Variants in PTPRD observed in about 807,000 individuals in gnomAD.
PTPRD encodes protein tyrosine phosphatase receptor type D.
Under a neutral mutation model 214.5 loss-of-function variants are expected in PTPRD, and 34 were observed. The observed-to-expected ratio is 0.16, with a 90% CI of 0.12 to 0.21. PTPRD has a LOEUF of 0.21. Among genes scored for constraint, PTPRD ranks in the 10% least tolerant of loss-of-function variants. The pLI, the probability that PTPRD is intolerant of heterozygous loss-of-function variation, is 1.00. For synonymous variants in PTPRD, 1,128 were observed against 845.7 expected (o/e 1.33, Z -5.79); for missense variants, 2,545 against 2,398.7 (o/e 1.06, Z -1.27).
intron 2 of PTPRD, among the ~76,000 whole-genome samples, chr9:10,582,912 G>C (rs1248536445): frequency 6.6e-6 from 1 of 152,146 alleles, no homozygotes; most frequent in Non-Finnish European, 1.5e-5. Context: ...TAACATGTAA[G>C]GGAGGAATAA....
chr9:9,945,223 A>T (rs1234753653), intron 4 of PTPRD, among the ~76,000 whole-genome samples: 1 of 152,136 alleles, frequency 6.6e-6, no homozygotes, highest in African/African-American at 2.4e-5. Context: ...CCCGTTAGGC[A>T]TTTGAATAAA....
chr9:10,045,578 G>A (rs1359511910), intron 3 of PTPRD, among the ~76,000 whole-genome samples: 3 of 151,498 alleles, frequency 2.0e-5, no homozygotes, highest in African/African-American at 7.3e-5. Flanking sequence ...ATCATTTTGA[G>A]AATAATTTCT....
intron 17 of PTPRD, among the ~76,000 whole-genome samples, chr9:8,525,940 G>A (rs2073990588): frequency 6.6e-6 from 1 of 151,788 alleles, no homozygotes; most frequent in Non-Finnish European, 1.5e-5. Context: ...ATAGCCTGAA[G>A]GACAGAAGAT....
chr9:10,110,668 G>C (rs755995753), intron 3 of PTPRD, among the ~76,000 whole-genome samples: 1 of 152,188 alleles, frequency 6.6e-6, no homozygotes, highest in Non-Finnish European at 1.5e-5. Flanking sequence ...CTTGCCAAAA[G>C]AAAGCTTACT....
intron 2 of PTPRD, among the ~76,000 whole-genome samples, chr9:10,415,198 T>C (rs377515493): frequency 2.6e-5 from 4 of 151,888 alleles, no homozygotes; most frequent in South Asian, 4.2e-4. Context: ...TAAATATACC[T>C]CACAATGTTG....
intron 4 of PTPRD, among the ~76,000 whole-genome samples, chr9:9,947,272 C>T (rs2092692640): frequency 1.8e-5 from 2 of 110,994 alleles, no homozygotes; most frequent in South Asian, 5.2e-4. Flanking sequence ...TCTAGTTATA[C>T]TTAACATGTG....
chr9:10,433,502 T>C (rs73406173), intron 2 of PTPRD, among the ~76,000 whole-genome samples: 4 of 151,906 alleles, frequency 2.6e-5, no homozygotes, highest in Admixed American at 6.6e-5. Flanking sequence ...CAGTTACGTA[T>C]ATTACAGCAT....
chr9:9,186,441 T>C (rs2099931552), intron 9 of PTPRD, among the ~76,000 whole-genome samples: 1 of 152,014 alleles, frequency 6.6e-6, no homozygotes, highest in African/African-American at 2.4e-5. Flanking sequence ...AAGATCCCAT[T>C]TCTACAAAAA....
chr9:9,650,298 TC>T (rs1346754468), intron 7 of PTPRD, among the ~76,000 whole-genome samples: 1 of 152,196 alleles, frequency 6.6e-6, no homozygotes, highest in Non-Finnish European at 1.5e-5. Flanking sequence ...AAACTTATTT[TC>T]TTTATAAATT....
intron 4 of PTPRD, among the ~76,000 whole-genome samples, chr9:9,981,321 AG>A (rs1470483715): frequency 6.6e-6 from 1 of 151,782 alleles, no homozygotes; most frequent in Non-Finnish European, 1.5e-5. Context: ...AATAACATGT[AG>A]GTAAATTTAA....
At chr9:10,049,301 T>G (rs2097475774) in intron 3 of PTPRD, among the ~76,000 whole-genome samples, 1 of 151,804 alleles carries the variant, frequency 6.6e-6, no homozygotes, top group African/African-American at 2.4e-5. Flanking sequence ...TGTGGGTCCA[T>G]ACTTAGAAAC....
chr9:8,728,190 C>T (rs571912985), intron 12 of PTPRD, among the ~76,000 whole-genome samples: 3 of 152,172 alleles, frequency 2.0e-5, no homozygotes, highest in South Asian at 4.1e-4. Flanking sequence ...GCGGAGGTTG[C>T]GATGAGCCAA....
intron 4 of PTPRD, among the ~76,000 whole-genome samples, chr9:10,015,831 A>G (rs1204171810): frequency 6.6e-6 from 1 of 152,190 alleles, no homozygotes; most frequent in African/African-American, 2.4e-5. Context: ...AAGTTTTATA[A>G]TGTAAGATAC....
intron 7 of PTPRD, among the ~76,000 whole-genome samples, chr9:9,579,342 G>A (rs528225018): frequency 6.6e-6 from 1 of 152,218 alleles, no homozygotes; most frequent in South Asian, 2.1e-4. Context: ...CATCTATGTT[G>A]TATAAGTAAG....
intron 14 of PTPRD, among the ~76,000 whole-genome samples, chr9:8,592,756 C>T (rs1391567949): frequency 2.0e-5 from 3 of 152,130 alleles, no homozygotes; most frequent in African/African-American, 7.2e-5. Flanking sequence ...TAAATTAGTG[C>T]TTAAAAGATA....
intron 2 of PTPRD, among the ~76,000 whole-genome samples, chr9:10,357,412 G>A (rs999439442): frequency 6.6e-6 from 1 of 152,156 alleles, no homozygotes; most frequent in Non-Finnish European, 1.5e-5. Context: ...CTTGATTTCA[G>A]GACTTGGCTT....
At chr9:9,646,627 C>T (rs1292606592) in intron 7 of PTPRD, among the ~76,000 whole-genome samples, 2 of 151,982 alleles carry the variant, frequency 1.3e-5, no homozygotes, top group East Asian at 3.9e-4. Context: ...CCTTCTTCCT[C>T]CTCTTTATAC....
At chr9:8,964,203 T>TTG in intron 11 of PTPRD, among the ~76,000 whole-genome samples, 1 of 143,600 alleles carries the variant, frequency 7.0e-6, no homozygotes, top group Non-Finnish European at 1.5e-5. Flanking sequence ...TTTTTTTTTT[T>TTG]TTTTTTTTTT....
rs1381452598 is a variant in PTPRD, at chr9:8,757,637, TATATACATACATATATAC to T, written c.-103-23709_-103-23692del. Among the ~76,000 whole-genome samples the T allele has an allele frequency of 6.1e-3, 874 of 143,688 alleles. 9 individuals are homozygous for T. The highest frequency in any genetic ancestry group is 0.023 in the African/African-American group (835 of 36,892). The allele number at this position is 143,688 out of a possible 152,430, so 94.3% of individuals were successfully genotyped here. On this transcript the variant is annotated intron_variant, in intron 11 of 45. Transcript: ENST00000381196. Reference sequence around the variant, plus strand: ...TAAATTCTGCATATATATATATATATATATACATACATATATACATATATATATACATACATATATATA... The same window carrying T: ...TAAATTCTGCATATATATATATATATATATATATATACATACATATATATA...
Sources: gnomAD v4.1 joint callset for allele counts (sites outside exome capture counted in the v4.1 genomes callset) on GRCh38, gnomAD v4.1.1 for gene constraint, MANE v1.5 for transcripts, NCBI Gene and HGNC (gene_info 2026-07-23, HGNC 2026-07-21) for gene names.